Variants in WDR72 observed in about 807,000 individuals in gnomAD.
WDR72 encodes the protein WD repeat domain 72.
A neutral mutation model predicts 124.2 loss-of-function variants in WDR72; 120 were observed. The ratio of observed to expected loss-of-function variants is 0.97; its 90% confidence interval spans 0.83 to 1.12. The LOEUF (loss-of-function observed/expected upper bound fraction) is 1.12. Ranked by LOEUF, WDR72 falls within the 50% of genes most tolerant of loss-of-function variation. The pLI, the probability that WDR72 is intolerant of heterozygous loss-of-function variation, is 0.00. For missense variants in WDR72, 1,387 were observed against 1,278.8 expected (o/e 1.08, Z -1.29); for synonymous variants, 452 against 441.7 (o/e 1.02, Z -0.29).
chr15:53,741,983 C>T (rs2018523655), intron 1 of WDR72, among the ~76,000 whole-genome samples: 1 of 152,160 alleles, frequency 6.6e-6, no homozygotes, highest in African/African-American at 2.4e-5. Context: ...CAGCCTTGGC[C>T]TCCCAAAGTG....
At chr15:53,621,621 A>G (rs2013997729) in intron 14 of WDR72, among the ~76,000 whole-genome samples, 2 of 151,828 alleles carry the variant, frequency 1.3e-5, no homozygotes, top group African/African-American at 4.8e-5. Context: ...ATGACACAAT[A>G]AACTTTGGGG....
At chr15:53,760,210 C>T (rs182535117), upstream of WDR72, among the ~76,000 whole-genome samples, 1 of 152,052 alleles carries the variant, frequency 6.6e-6, no homozygotes, top group African/African-American at 2.4e-5. Flanking sequence ...TTTAACTGCA[C>T]AATTATATTA....
chr15:53,592,861 A>G (rs1198186466), intron 18 of WDR72, among the ~76,000 whole-genome samples: 3 of 152,152 alleles, frequency 2.0e-5, no homozygotes, highest in Non-Finnish European at 4.4e-5. Flanking sequence ...TAAGCCTCAA[A>G]TGTAAGTGTT....
chr15:53,615,457 T>C lies in WDR72; in HGVS notation c.2749A>G (p.Met917Val), dbSNP rs1264939668. ...ACTCTACATGCCAATTCTAAAGGCA[T>C]GTTAACTAATTTATTAACTAAAAAT... Reference protein sequence around the residue: ...RLFLVNKLVNMPLELACRVGS... With the variant: ...RLFLVNKLVNVPLELACRVGS... Residue 917 changes from methionine (M) to valine (V), a missense_variant, in exon 15 of 20, where the codon ATG (methionine) becomes GTG (valine). Coordinates refer to ENST00000360509, the MANE Select transcript of WDR72 (RefSeq NM_182758.4). The C allele has an allele frequency of 6.2e-7, 1 of 1,611,632 alleles. No homozygotes were observed. The highest frequency in any genetic ancestry group is 1.7e-5 in the Admixed American group (1 of 59,702).
At position 53,603,810 on chromosome 15, in the gene WDR72, C is replaced by T. The variant is rs535622047; in HGVS notation, c.2952+5703G>A. 7.2e-5 allele frequency among the ~76,000 whole-genome samples: 11 copies of T among 152,158 alleles called. No homozygotes were observed. The South Asian group carries it at 1.7e-3, about 23-fold the overall frequency. ...GGATCTCTACAAGGAGAACAACAAACCATGGCTCAAATAAATCAGAGATGA... is the reference window on the plus strand; with the variant it reads ...GGATCTCTACAAGGAGAACAACAAATCATGGCTCAAATAAATCAGAGATGA... On this transcript the variant is annotated intron_variant, in intron 17 of 19. Transcript: ENST00000360509.
chr15:53,587,689 C>A (rs999795131), intron 18 of WDR72, among the ~76,000 whole-genome samples: 1 of 151,904 alleles, frequency 6.6e-6, no homozygotes, highest in Non-Finnish European at 1.5e-5. Context: ...CAAGACTGAC[C>A]TCATTCTAAT....
chr15:53,706,346 GTGTGTATATA>G (rs1177691906), intron 9 of WDR72, among the ~76,000 whole-genome samples: 21 of 98,066 alleles, frequency 2.1e-4, no homozygotes, highest in African/African-American at 6.6e-4. Flanking sequence ...GTGTGTGTGT[GTGTGTATATA>G]TATATATATA....
rs1272395282 is a variant in WDR72, at chr15:53,517,594, A to G, written c.*105T>C. On this transcript the variant is annotated 3_prime_UTR_variant, in exon 20 of 20. Coordinates refer to ENST00000360509, the MANE Select transcript of WDR72 (RefSeq NM_182758.4). ...AGTATTAGCAAATCCACTACAGCCTAATAACTTGACCAATAACAACAATGC... is the reference window on the plus strand; with the variant it reads ...AGTATTAGCAAATCCACTACAGCCTGATAACTTGACCAATAACAACAATGC... 1.6e-6 allele frequency: 2 copies of G among 1,222,228 alleles called. No homozygotes were observed. Among genetic ancestry groups the G allele is most frequent in the African/African-American group, 3.0e-5 (2 of 67,150 alleles). The allele number at this position is 1,222,228 out of a possible 1,614,324, so 75.7% of individuals were successfully genotyped here.
chr15:53,713,188 T>A (rs1245628385), intron 6 of WDR72, among the ~76,000 whole-genome samples: 1 of 103,104 alleles, frequency 9.7e-6, no homozygotes, highest in Non-Finnish European at 2.0e-5. Context: ...AGGATGTATT[T>A]CTTGAAAAAA....
intron 11 of WDR72, 118 bp downstream of exon 11, chr15:53,704,870 C>A (rs2017301251): frequency 8.0e-5 from 79 of 983,914 alleles, no homozygotes; most frequent in East Asian, 1.3e-4. Context: ...AAAATATGTA[C>A]ATATTTATCA....
Position 53,516,435 on chromosome 15 carries a change from A to G in WDR72, c.*1264T>C, listed in dbSNP as rs1428082768. ...AGACCTGAGGCTGGTCCCATGCTCA[A>G]AAATGTTTCTTTAATTGAAGTGACT... On this transcript the variant is annotated 3_prime_UTR_variant, in exon 20 of 20. Transcript: ENST00000360509. 2 of 151,750 alleles carry G rather than the reference A, an allele frequency of 1.3e-5. No homozygotes were observed. The highest frequency in any genetic ancestry group is 2.9e-5 in the Non-Finnish European group (2 of 67,874). 9.4% of individuals were successfully genotyped at this position (151,750 alleles called of 1,614,324 possible).
At chr15:53,582,397 T>G (rs926731914) in intron 18 of WDR72, among the ~76,000 whole-genome samples, 3 of 151,946 alleles carry the variant, frequency 2.0e-5, no homozygotes, top group Non-Finnish European at 4.4e-5. Context: ...TGGAATCCTA[T>G]CCTTCATAAT....
chr15:53,676,984 C>G (rs1197987232), intron 13 of WDR72, among the ~76,000 whole-genome samples: 1 of 150,282 alleles, frequency 6.7e-6, no homozygotes, highest in East Asian at 2.0e-4. Flanking sequence ...GCAGTGGCAC[C>G]ATCTCGGCTC....
chr15:53,713,700 C>T (rs573615782), intron 6 of WDR72, among the ~76,000 whole-genome samples: 17 of 152,082 alleles, frequency 1.1e-4, no homozygotes, highest in African/African-American at 3.6e-4. Context: ...TCTGGTGATC[C>T]GCTCGCCTTA....
intron 14 of WDR72, among the ~76,000 whole-genome samples, chr15:53,642,181 G>C (rs2014877114): frequency 6.6e-6 from 1 of 151,896 alleles, no homozygotes; most frequent in Admixed American, 6.6e-5. Context: ...GTAGTATTAA[G>C]TAAATGAAAG....
intron 16 of WDR72, 92 bp downstream of exon 16, chr15:53,613,569 ATTTAT>A (rs1409957346): frequency 2.5e-6 from 2 of 812,558 alleles, no homozygotes; most frequent in Admixed American, 3.7e-5. Flanking sequence ...TATATATGTT[ATTTAT>A]TTTGACACTG....
chr15:53,678,801 T>C (rs1234267803), intron 13 of WDR72, among the ~76,000 whole-genome samples: 2 of 152,208 alleles, frequency 1.3e-5, no homozygotes, highest in African/African-American at 4.8e-5. Flanking sequence ...TGTTGACTTC[T>C]GGGTATATAC....
At chr15:53,652,041 T>C (rs1425825033) in intron 14 of WDR72, 1 of 152,208 alleles carries the variant, frequency 6.6e-6, no homozygotes, top group Non-Finnish European at 1.5e-5. Flanking sequence ...TAATATAAAT[T>C]GTTTAACTAG....
intron 18 of WDR72, among the ~76,000 whole-genome samples, chr15:53,578,306 A>T (rs1163073486): frequency 6.6e-6 from 1 of 152,108 alleles, no homozygotes; most frequent in Non-Finnish European, 1.5e-5. Flanking sequence ...CTTAACATAT[A>T]CTGGGCAACA....
Sources: allele counts gnomAD v4.1 joint callset (sites outside exome capture counted in the v4.1 genomes callset), GRCh38; gene constraint gnomAD v4.1.1; transcripts MANE v1.5; gene names NCBI Gene and HGNC (gene_info 2026-07-23, HGNC 2026-07-21).